The following CDC42SE2 variants were observed in gnomAD, a reference collection of about 807,000 sequenced individuals.
The protein encoded by CDC42SE2 is CDC42 small effector protein 2.
CDC42SE2 carries 3 observed loss-of-function variants against 11.5 expected under a neutral mutation model. The observed-to-expected ratio is 0.26, with a 90% confidence interval of 0.12 to 0.67. The LOEUF (loss-of-function observed/expected upper bound fraction) is 0.67. CDC42SE2 is among the 30% of genes least tolerant of loss of function. The probability of loss-of-function intolerance (pLI) is 0.80; values close to 1 mark genes in which losing one functional copy is unlikely to be tolerated. For synonymous variants in CDC42SE2, 33 were observed against 34.8 expected (o/e 0.95, Z 0.18); for missense variants, 82 against 106.8 (o/e 0.77, Z 1.02).
chr5:131,337,681 C>A (rs1412493302), intron 2 of CDC42SE2, among the ~76,000 whole-genome samples: 1 of 152,222 alleles, frequency 6.6e-6, no homozygotes, highest in Non-Finnish European at 1.5e-5. Context: ...GGCACCCCTC[C>A]CCCAGCCTCG....
chr5:131,252,040 G>A (rs1274496194), intron 1 of CDC42SE2, among the ~76,000 whole-genome samples: 1 of 143,324 alleles, frequency 7.0e-6, no homozygotes, highest in Non-Finnish European at 1.5e-5. Context: ...AAAAAAGAGA[G>A]AAAGAAAAAG....
At chr5:131,288,727 A>G (rs182498399) in intron 1 of CDC42SE2, among the ~76,000 whole-genome samples, 2 of 152,294 alleles carry the variant, frequency 1.3e-5, no homozygotes, top group Non-Finnish European at 2.9e-5. Flanking sequence ...GTTGCTTGCA[A>G]CAGAAAGTTA....
chr5:131,380,127 A>G (rs2149785720), intron 3 of CDC42SE2, among the ~76,000 whole-genome samples: 1 of 151,822 alleles, frequency 6.6e-6, no homozygotes, highest in South Asian at 2.1e-4. Flanking sequence ...TTAATTTTCC[A>G]TAGTTATTGG....
intron 2 of CDC42SE2, among the ~76,000 whole-genome samples, chr5:131,339,823 AG>A (rs1429912087): frequency 1.7e-4 from 24 of 137,576 alleles, no homozygotes; most frequent in African/African-American, 7.5e-4. Flanking sequence ...AAAAAAAAAA[AG>A]AGAGAGAAAA....
At chr5:131,216,721 C>A in the CDC42SE2 span, among the ~76,000 whole-genome samples, 2 of 151,976 alleles carry the variant, frequency 1.3e-5, no homozygotes, top group Non-Finnish European at 2.9e-5. Flanking sequence ...ACCTTCAGGT[C>A]CCCACAAAGA....
intron 1 of CDC42SE2, among the ~76,000 whole-genome samples, chr5:131,254,807 C>T (rs1322277366): frequency 6.6e-6 from 1 of 152,172 alleles, no homozygotes; most frequent in East Asian, 1.9e-4. Flanking sequence ...AGCCAACATG[C>T]TTTCTACAGT....
chr5:131,342,534 G>A (rs1306718729), intron 2 of CDC42SE2, among the ~76,000 whole-genome samples: 7 of 148,224 alleles, frequency 4.7e-5, no homozygotes, highest in African/African-American at 1.5e-4. Context: ...GGATACAGGC[G>A]CCCGCCACTA....
At chr5:131,262,555 C>G (rs1343645227), upstream of CDC42SE2, among the ~76,000 whole-genome samples, 1 of 151,974 alleles carries the variant, frequency 6.6e-6, no homozygotes, top group African/African-American at 2.4e-5. Context: ...GGAAGGCAGA[C>G]ACTAAAAGCT....
chr5:131,370,530 C>T (rs972574917), intron 3 of CDC42SE2, among the ~76,000 whole-genome samples: 10 of 151,436 alleles, frequency 6.6e-5, no homozygotes, highest in Non-Finnish European at 1.0e-4. Flanking sequence ...GCTTTGTTGC[C>T]CAGGCTGGTC....
intron 1 of CDC42SE2, among the ~76,000 whole-genome samples, chr5:131,301,108 T>C (rs1468000007): frequency 1.3e-5 from 2 of 152,138 alleles, no homozygotes; most frequent in Non-Finnish European, 2.9e-5. Flanking sequence ...ACACATAAAC[T>C]CTTAAATACT....
intron 2 of CDC42SE2, among the ~76,000 whole-genome samples, chr5:131,358,188 T>C (rs1257896003): frequency 1.3e-5 from 2 of 152,234 alleles, no homozygotes; most frequent in Non-Finnish European, 2.9e-5. Context: ...TGGCTTCAGA[T>C]TTATATATCA....
At chr5:131,244,266 CT>C (rs61548069), upstream of CDC42SE2, among the ~76,000 whole-genome samples, 1 of 152,126 alleles carries the variant, frequency 6.6e-6, no homozygotes, top group Non-Finnish European at 1.5e-5. Context: ...TATGAATCTA[CT>C]TTTTTCAATA....
chr5:131,328,057 C>T (rs1758335202), intron 2 of CDC42SE2, among the ~76,000 whole-genome samples: 2 of 152,060 alleles, frequency 1.3e-5, no homozygotes, highest in African/African-American at 2.4e-5. Context: ...TAGAACTCCC[C>T]TTTTTATAAT....
chr5:131,377,084 C>T (rs1208910031), intron 3 of CDC42SE2, among the ~76,000 whole-genome samples: 1 of 152,088 alleles, frequency 6.6e-6, no homozygotes, highest in Non-Finnish European at 1.5e-5. Flanking sequence ...TCCACAATGG[C>T]TAAACTAATT....
upstream of CDC42SE2, among the ~76,000 whole-genome samples, chr5:131,259,920 G>A (rs562108968): frequency 7.5e-4 from 115 of 152,336 alleles, no homozygotes; most frequent in South Asian, 0.023. Context: ...CTTTAAAAAT[G>A]TTCATTTATT....
chr5:131,347,299 A>G (rs1183990375), intron 2 of CDC42SE2, among the ~76,000 whole-genome samples: 2 of 152,210 alleles, frequency 1.3e-5, no homozygotes, highest in Admixed American at 6.5e-5. Context: ...AGATGCAATA[A>G]AAAATGATAA....
At chr5:131,280,764 A>T (rs571374603) in intron 1 of CDC42SE2, among the ~76,000 whole-genome samples, 127 of 152,294 alleles carry the variant, frequency 8.3e-4, no homozygotes, top group Admixed American at 4.1e-3. Context: ...TCCAAGTCCG[A>T]CTGATCCTTT....
chr5:131,269,511 G>T (rs1052945376), intron 1 of CDC42SE2, among the ~76,000 whole-genome samples: 1 of 152,134 alleles, frequency 6.6e-6, no homozygotes, highest in Non-Finnish European at 1.5e-5. Context: ...GCTCATTCCT[G>T]TAATCCCAGC....
chr5:131,291,088 A>G (rs1244512233), intron 1 of CDC42SE2, among the ~76,000 whole-genome samples: 1 of 152,160 alleles, frequency 6.6e-6, no homozygotes, highest in African/African-American at 2.4e-5. Context: ...TTTGTAAGTA[A>G]GATTGTTCTG....
Sources: gnomAD v4.1 joint callset for allele counts (sites outside exome capture counted in the v4.1 genomes callset) on GRCh38, gnomAD v4.1.1 for gene constraint, MANE v1.5 for transcripts, NCBI Gene and HGNC (gene_info 2026-07-23, HGNC 2026-07-21) for gene names.